RCAN2: variants seen among roughly 807,000 people sequenced by gnomAD.
RCAN2 encodes regulator of calcineurin 2.
RCAN2 carries 9 observed loss-of-function variants against 23.6 expected under a neutral mutation model. That is an observed-to-expected ratio of 0.38 (90% confidence interval 0.23 to 0.67). The LOEUF (loss-of-function observed/expected upper bound fraction) is 0.67. Ranked by LOEUF, RCAN2 falls within the 30% of genes least tolerant of loss-of-function variation. RCAN2 has a pLI of 0.51. For synonymous variants in RCAN2, 109 were observed against 115.7 expected (o/e 0.94, Z 0.37); for missense variants, 273 against 302.3 (o/e 0.90, Z 0.72).
At chr6:46,278,812 C>T (rs1427561172) in intron 2 of RCAN2, among the ~76,000 whole-genome samples, 2 of 152,126 alleles carry the variant, frequency 1.3e-5, no homozygotes, top group African/African-American at 4.8e-5. Flanking sequence ...CTCTGGAACC[C>T]TGTTGCAAAT....
chr6:46,386,836 A>G (rs1271340135), intron 2 of RCAN2, among the ~76,000 whole-genome samples: 1 of 152,144 alleles, frequency 6.6e-6, no homozygotes, highest in Non-Finnish European at 1.5e-5. Flanking sequence ...GCATCACGCT[A>G]CCTGACTTCA....
chr6:46,457,224 GACAA>G (rs1411615866), intron 1 of RCAN2, among the ~76,000 whole-genome samples: 2 of 152,114 alleles, frequency 1.3e-5, no homozygotes, highest in Non-Finnish European at 1.5e-5. Context: ...AAAACAAACA[GACAA>G]ACAAATAGGT....
chr6:46,311,484 T>C (rs1037723425), intron 2 of RCAN2, among the ~76,000 whole-genome samples: 9 of 152,106 alleles, frequency 5.9e-5, no homozygotes, highest in African/African-American at 2.2e-4. Context: ...ATTACCTAAG[T>C]GAATGGCAGC....
At chr6:46,387,336 T>G (rs1379041892) in intron 2 of RCAN2, among the ~76,000 whole-genome samples, 16 of 151,700 alleles carry the variant, frequency 1.1e-4, no homozygotes, top group Non-Finnish European at 2.2e-4. Flanking sequence ...TGGGAGAAAA[T>G]TTTTGCAATC....
At chr6:46,227,432 G>A (rs192411497) in intron 4 of RCAN2, among the ~76,000 whole-genome samples, 15 of 152,164 alleles carry the variant, frequency 9.9e-5, no homozygotes, top group East Asian at 3.9e-4. Flanking sequence ...TTTTTGGTTC[G>A]TAGGCTATCA....
At chr6:46,442,862 T>C (rs936157524) in intron 2 of RCAN2, among the ~76,000 whole-genome samples, 2 of 152,178 alleles carry the variant, frequency 1.3e-5, no homozygotes, top group African/African-American at 4.8e-5. Flanking sequence ...AGCAAGATAC[T>C]AAATATGCCT....
rs1582224344 is a variant in RCAN2, at chr6:46,465,062, A to G, written c.-2-8084T>C. Among the ~76,000 whole-genome samples the G allele has an allele frequency of 2.0e-5, 3 of 152,172 alleles. No individual in the cohort carries two copies. The South Asian group carries it at 6.2e-4, about 32-fold the overall frequency. ...AATAAAAAGGGGAGGAAGACCCTCA[A>G]ATTTACCAAAGGTCAGATGGGACAA... On this transcript the variant is annotated intron_variant, in intron 1 of 4. Transcript: ENST00000371374.
intron 2 of RCAN2, among the ~76,000 whole-genome samples, chr6:46,318,468 T>C (rs2150360709): frequency 6.6e-6 from 1 of 152,288 alleles, no homozygotes; most frequent in African/African-American, 2.4e-5. Flanking sequence ...ACTGTAAGGA[T>C]GTGGACACTG....
Position 46,243,982 on chromosome 6 carries a change from G to A in RCAN2, c.571+2766C>T, listed in dbSNP as rs144080676. On this transcript the variant is annotated intron_variant, in intron 4 of 4. Transcript: ENST00000371374. ...AAGTTTACTCTCTGGAGTCAGAAGC[G>A]CCAGGGTTTGAAATCTGACGATGTC... 5.9e-5 allele frequency among the ~76,000 whole-genome samples: 9 copies of A among 152,190 alleles called. No individual in the cohort carries two copies. In the East Asian group the frequency reaches 9.6e-4, roughly 16 times the overall value.
intron 2 of RCAN2, among the ~76,000 whole-genome samples, chr6:46,276,098 C>T (rs977870279): frequency 1.6e-4 from 25 of 152,036 alleles, no homozygotes; most frequent in Non-Finnish European, 1.6e-4. Flanking sequence ...GCCAGCTACT[C>T]GGGAGGCTGA....
At chr6:46,369,201 C>T (rs1040530153) in intron 2 of RCAN2, among the ~76,000 whole-genome samples, 4 of 152,094 alleles carry the variant, frequency 2.6e-5, no homozygotes, top group Non-Finnish European at 5.9e-5. Context: ...GGAAGGTCTT[C>T]AAGGGCAGTA....
chr6:46,390,209 A>C (rs566344419), intron 2 of RCAN2, among the ~76,000 whole-genome samples: 3 of 152,172 alleles, frequency 2.0e-5, no homozygotes, highest in Admixed American at 6.5e-5. Flanking sequence ...GAAGCAGAAG[A>C]ATCTTGAAGA....
intron 2 of RCAN2, among the ~76,000 whole-genome samples, chr6:46,412,895 A>G (rs966058950): frequency 1.3e-5 from 2 of 152,184 alleles, no homozygotes; most frequent in Non-Finnish European, 2.9e-5. Context: ...GCGTGGGTAA[A>G]CCAGGATATA....
intron 2 of RCAN2, among the ~76,000 whole-genome samples, chr6:46,287,960 C>G (rs573787300): frequency 6.6e-6 from 1 of 152,166 alleles, no homozygotes; most frequent in Admixed American, 6.5e-5. Flanking sequence ...TAATACGACC[C>G]GAGGATATTA....
At chr6:46,392,257 C>G (rs922163251) in intron 2 of RCAN2, among the ~76,000 whole-genome samples, 1 of 152,122 alleles carries the variant, frequency 6.6e-6, no homozygotes, top group African/African-American at 2.4e-5. Context: ...AAAGTTCTAT[C>G]ATAGGGGCAG....
At chr6:46,229,087 G>C (rs1477280185) in intron 4 of RCAN2, among the ~76,000 whole-genome samples, 2 of 152,186 alleles carry the variant, frequency 1.3e-5, no homozygotes, top group Non-Finnish European at 2.9e-5. Context: ...TAAGAATGTT[G>C]AATATTGGCG....
chr6:46,228,454 G>A (rs1323754791), intron 4 of RCAN2, among the ~76,000 whole-genome samples: 1 of 152,110 alleles, frequency 6.6e-6, no homozygotes, highest in Non-Finnish European at 1.5e-5. Context: ...GAATCTGGGT[G>A]CTCCTGTATT....
At chr6:46,420,508 A>AT (rs1346856550) in intron 2 of RCAN2, among the ~76,000 whole-genome samples, 1 of 147,100 alleles carries the variant, frequency 6.8e-6, no homozygotes, top group Non-Finnish European at 1.5e-5. Context: ...CTGTCCTGTT[A>AT]TTTTTTATAA....
intron 2 of RCAN2, among the ~76,000 whole-genome samples, chr6:46,382,948 A>T (rs2150394262): frequency 6.6e-6 from 1 of 152,332 alleles, no homozygotes; most frequent in South Asian, 2.1e-4. Context: ...ATGATCTTCA[A>T]ATAGTACAAA....
Sources: allele counts gnomAD v4.1 joint callset (sites outside exome capture counted in the v4.1 genomes callset), GRCh38; gene constraint gnomAD v4.1.1; transcripts MANE v1.5; gene names NCBI Gene and HGNC (gene_info 2026-07-23, HGNC 2026-07-21).